Variants in SUN3 observed in about 807,000 individuals in gnomAD.
SUN3 encodes the protein Sad1 and UNC84 domain containing 3.
In SUN3, 36 loss-of-function variants were observed where a neutral mutation model predicts 48.2. That is an observed-to-expected ratio of 0.75 (90% CI 0.57 to 0.99). The LOEUF (loss-of-function observed/expected upper bound fraction) is 0.99, where lower values mean the gene tolerates loss of function less well. Ranked by LOEUF, SUN3 falls within the 50% of genes least tolerant of loss-of-function variation. The probability of loss-of-function intolerance (pLI) is 0.00; values close to 1 mark genes in which losing one functional copy is unlikely to be tolerated. For missense variants in SUN3, 419 were observed against 433.1 expected (o/e 0.97, Z 0.29); for synonymous variants, 148 against 147.9 (o/e 1.00, Z 0.00).
chr7:48,007,466 C>A (rs1011363106), intron 4 of SUN3, 139 bp from the exon 5 acceptor site: 1 of 735,522 alleles, frequency 1.4e-6, no homozygotes, highest in Non-Finnish European at 2.2e-6. Context: ...AAGAGCAGAG[C>A]ATGCCCATTT....
At chr7:48,019,063 A>G (rs1217973567) in intron 2 of SUN3, among the ~76,000 whole-genome samples, 2 of 152,232 alleles carry the variant, frequency 1.3e-5, no homozygotes, top group Non-Finnish European at 2.9e-5. Flanking sequence ...AGGGCTCAAC[A>G]GTTGATTTAA....
chr7:48,022,496 A>T (rs190220552), intron 2 of SUN3, among the ~76,000 whole-genome samples: 5 of 152,268 alleles, frequency 3.3e-5, no homozygotes, highest in African/African-American at 1.2e-4. Flanking sequence ...ATTATTTCAC[A>T]TTGCATGCCT....
At chr7:48,027,948 T>A (rs543311525) in intron 1 of SUN3, among the ~76,000 whole-genome samples, 1 of 152,306 alleles carries the variant, frequency 6.6e-6, no homozygotes, top group Admixed American at 6.5e-5. Context: ...CACATTACCA[T>A]ATTTACCAAA....
At chr7:48,032,418 T>A (rs933240555), upstream of SUN3, among the ~76,000 whole-genome samples, 1 of 152,184 alleles carries the variant, frequency 6.6e-6, no homozygotes, top group African/African-American at 2.4e-5. Flanking sequence ...TATATCTCAA[T>A]AAAGTTGGAA....
intron 3 of SUN3, among the ~76,000 whole-genome samples, chr7:48,014,760 TAG>T (rs1789765957): frequency 6.6e-6 from 1 of 152,120 alleles, no homozygotes; most frequent in African/African-American, 2.4e-5. Flanking sequence ...AATGTATATA[TAG>T]AGAGAGATTT....
intron 6 of SUN3, among the ~76,000 whole-genome samples, chr7:47,999,733 C>T (rs1789308307): frequency 6.6e-6 from 1 of 152,184 alleles, no homozygotes; most frequent in African/African-American, 2.4e-5. Flanking sequence ...CGGGGTTTCA[C>T]CAGGTTGGCC....
upstream of SUN3, among the ~76,000 whole-genome samples, chr7:48,031,878 TGTG>T (rs1562618131): frequency 6.6e-6 from 1 of 150,934 alleles, no homozygotes. Flanking sequence ...ACGGTGGGTG[TGTG>T]GTGGTGGTGG....
the SUN3 span, among the ~76,000 whole-genome samples, chr7:48,034,804 G>T: frequency 6.6e-6 from 1 of 152,068 alleles, no homozygotes; most frequent in African/African-American, 2.4e-5. Flanking sequence ...AGTGTTTGGA[G>T]TTCTAAACGC....
At chr7:48,013,432 A>T (rs151245852) in intron 3 of SUN3, among the ~76,000 whole-genome samples, 67 of 152,334 alleles carry the variant, frequency 4.4e-4, no homozygotes, top group African/African-American at 1.3e-3. Flanking sequence ...CAGCTTTTTG[A>T]AAAGTAATAT....
At chr7:48,006,706 A>T (rs1789534803) in intron 5 of SUN3, among the ~76,000 whole-genome samples, 1 of 152,176 alleles carries the variant, frequency 6.6e-6, no homozygotes, top group African/African-American at 2.4e-5. Context: ...CAAAAAGTAG[A>T]CATTAGGGAA....
chr7:48,023,791 T>C (rs768231513), intron 2 of SUN3, among the ~76,000 whole-genome samples: 25 of 152,164 alleles, frequency 1.6e-4, no homozygotes, highest in Non-Finnish European at 2.9e-4. Context: ...AATTGGAAGA[T>C]TTACTACTGC....
intron 3 of SUN3, among the ~76,000 whole-genome samples, chr7:48,010,174 A>G (rs1319734835): frequency 1.3e-5 from 2 of 152,148 alleles, no homozygotes; most frequent in African/African-American, 4.8e-5. Flanking sequence ...GCATACTCAC[A>G]TATGCACACA....
At chr7:48,014,548 A>C (rs1161523599) in intron 3 of SUN3, among the ~76,000 whole-genome samples, 2 of 152,222 alleles carry the variant, frequency 1.3e-5, no homozygotes, top group Non-Finnish European at 2.9e-5. Flanking sequence ...ATATTGTCAC[A>C]GGTGGTTTGT....
At chr7:48,030,781 G>A (rs1047933112), upstream of SUN3, among the ~76,000 whole-genome samples, 2 of 152,156 alleles carry the variant, frequency 1.3e-5, no homozygotes, top group Non-Finnish European at 2.9e-5. Flanking sequence ...ACCCAGAGGA[G>A]GAACTTCTGG....
chr7:48,034,492 C>T, the SUN3 span, among the ~76,000 whole-genome samples: 1 of 152,172 alleles, frequency 6.6e-6, no homozygotes, highest in East Asian at 1.9e-4. Context: ...ACTGTTGCTG[C>T]AGTCGTTGGA....
rs1789367159 is a variant in SUN3 at position 48,001,522 on chromosome 7, G to GTTTTTTCTTT, written c.577+4446_577+4447insAAAGAAAAAA. The stretch of plus-strand genomic sequence containing the variant: ...TTTAGGTTGGTTCCATGTCTTTTCT[G>GTTTTTTCTTT]TTTTTTTTGTTTTTTTTTTTTTTTT... On this transcript the variant is annotated intron_variant, in intron 6 of 9. Coordinates refer to ENST00000297325, the MANE Select transcript of SUN3 (RefSeq NM_001030019.2). 1.6e-5 allele frequency among the ~76,000 whole-genome samples: 2 copies of GTTTTTTCTTT among 121,882 alleles called. 1 individual carries two copies. Among genetic ancestry groups the GTTTTTTCTTT allele is most frequent in the Non-Finnish European group, 3.4e-5 (2 of 58,770 alleles). 80.0% of individuals were successfully genotyped at this position (121,882 alleles called of 152,430 possible).
intron 6 of SUN3, among the ~76,000 whole-genome samples, chr7:48,004,605 C>T (rs1292526473): frequency 6.6e-6 from 1 of 152,234 alleles, no homozygotes; most frequent in Non-Finnish European, 1.5e-5. Context: ...GGGGAGCAGG[C>T]GTCTTCTCTG....
At chr7:48,007,083 G>T in intron 5 of SUN3, 82 bp downstream of exon 5, 2 of 1,371,110 alleles carry the variant, frequency 1.5e-6, no homozygotes, top group South Asian at 1.4e-5. Flanking sequence ...ACATCGGAAG[G>T]ACATACTCAC....
rs145128512 is a variant in SUN3, at chr7:48,014,010, G to T, written c.288+3252C>A. On this transcript the variant is annotated intron_variant, in intron 3 of 9. Transcript: ENST00000297325. ...AGACAGAGTCTTGCTTTATCACTCA[G>T]GCTGGAGTGCAGTGGCACAAGCACA... 3.0e-3 allele frequency among the ~76,000 whole-genome samples: 457 copies of T among 152,262 alleles called. 6 individuals are homozygous for T. The highest frequency in any genetic ancestry group is 0.011 in the African/African-American group (444 of 41,544).
Sources: gnomAD v4.1 joint callset for allele counts (sites outside exome capture counted in the v4.1 genomes callset) on GRCh38, gnomAD v4.1.1 for gene constraint, MANE v1.5 for transcripts, NCBI Gene and HGNC (gene_info 2026-07-23, HGNC 2026-07-21) for gene names.